NTM: variants seen among roughly 807,000 people sequenced by gnomAD.
NTM encodes neurotrimin.
In NTM, 13 loss-of-function variants were observed where a neutral mutation model predicts 42.1. The observed-to-expected ratio is 0.31, with a 90% CI of 0.20 to 0.49. NTM has a LOEUF of 0.49. Among genes scored for constraint, NTM ranks in the 20% least tolerant of loss-of-function variants. NTM has a pLI of 0.99. For missense variants in NTM, 373 were observed against 452.8 expected, an observed-to-expected ratio of 0.82 and a Z score of 1.60; for synonymous variants, 187 against 179.2, an observed-to-expected ratio of 1.04 and a Z score of -0.35.
intron 1 of NTM, among the ~76,000 whole-genome samples, chr11:131,502,007 G>C (rs538093525): frequency 6.6e-6 from 1 of 152,254 alleles, no homozygotes; most frequent in Non-Finnish European, 1.5e-5. Context: ...CTGGGTCTAT[G>C]AGTTTGGAGT....
chr11:131,636,072 G>A (rs555035897), intron 1 of NTM, among the ~76,000 whole-genome samples: 2 of 152,288 alleles, frequency 1.3e-5, no homozygotes, highest in South Asian at 4.1e-4. Flanking sequence ...GCATTTGTTA[G>A]AATGTATTCT....
At chr11:132,069,487 G>A (rs867005832) in intron 2 of NTM, among the ~76,000 whole-genome samples, 14 of 117,304 alleles carry the variant, frequency 1.2e-4, no homozygotes, top group South Asian at 1.1e-3. Context: ...TAGTTAACAT[G>A]TCACACAGCC....
chr11:131,564,794 G>T (rs977128558), intron 1 of NTM, among the ~76,000 whole-genome samples: 1 of 152,042 alleles, frequency 6.6e-6, no homozygotes, highest in South Asian at 2.1e-4. Flanking sequence ...TTCTTCAGAC[G>T]TTGCTCCCTG....
chr11:132,232,120 T>A (rs1207453748), intron 4 of NTM, among the ~76,000 whole-genome samples: 1 of 152,240 alleles, frequency 6.6e-6, no homozygotes, highest in African/African-American at 2.4e-5. Context: ...GCGTCTCGCC[T>A]GGGAGAGCTC....
chr11:131,960,203 CA>C (rs2062002534), intron 2 of NTM, among the ~76,000 whole-genome samples: 1 of 152,186 alleles, frequency 6.6e-6, no homozygotes, highest in Admixed American at 6.5e-5. Context: ...CGAGGGTGTT[CA>C]TGGTGCCCCT....
chr11:131,552,527 C>T (rs1022285214), intron 1 of NTM, among the ~76,000 whole-genome samples: 54 of 150,350 alleles, frequency 3.6e-4, no homozygotes, highest in Non-Finnish European at 6.6e-4. Flanking sequence ...AAAAAATACC[C>T]TCAAGAGGCC....
chr11:131,512,965 A>G (rs2048446072), intron 1 of NTM, among the ~76,000 whole-genome samples: 1 of 151,374 alleles, frequency 6.6e-6, no homozygotes, highest in African/African-American at 2.4e-5. Flanking sequence ...GCTTGGCACC[A>G]CTGAGATCTC....
intron 1 of NTM, among the ~76,000 whole-genome samples, chr11:131,508,385 A>G (rs1277027564): frequency 2.7e-5 from 4 of 150,714 alleles, no homozygotes; most frequent in Non-Finnish European, 5.9e-5. Flanking sequence ...TCAGGAAACA[A>G]CAGGTGCTAA....
At chr11:132,073,342 G>A (rs1351553141) in intron 2 of NTM, among the ~76,000 whole-genome samples, 1 of 152,166 alleles carries the variant, frequency 6.6e-6, no homozygotes, top group East Asian at 1.9e-4. Flanking sequence ...TTATCTTTAG[G>A]AATGTTCTGT....
rs560752822 is a variant in NTM at position 131,794,743 on chromosome 11, C to T, written c.83-116821C>T. The T allele has an allele frequency of 9.1e-6, 9 of 985,320 alleles. No homozygotes were observed. In the African/African-American group the frequency reaches 1.6e-4, roughly 17 times the overall value. The allele number at this position is 985,320 out of a possible 1,614,324, so 61.0% of individuals were successfully genotyped here. A position where few individuals can be genotyped will look rare whatever the true frequency, so the allele number is the denominator to read the frequency against. ...AAAAGCAGAGATAGCTTGTGTAGGACTTAGAACAATGGTGAGCTCCACACA... is the reference window on the plus strand; with the variant it reads ...AAAAGCAGAGATAGCTTGTGTAGGATTTAGAACAATGGTGAGCTCCACACA... On this transcript the variant is annotated intron_variant, in intron 1 of 8. Coordinates refer to ENST00000683400, the MANE Select transcript of NTM (RefSeq NM_001352005.2).
intron 1 of NTM, among the ~76,000 whole-genome samples, chr11:131,483,722 C>T (rs2136248699): frequency 6.6e-6 from 1 of 152,318 alleles, no homozygotes; most frequent in African/African-American, 2.4e-5. Flanking sequence ...TGCGTTTCAC[C>T]CTGCGTGAAA....
At chr11:132,124,632 C>A (rs117373711) in intron 2 of NTM, among the ~76,000 whole-genome samples, 1 of 152,040 alleles carries the variant, frequency 6.6e-6, no homozygotes, top group Non-Finnish European at 1.5e-5. Flanking sequence ...TGCGCGCGCA[C>A]GCGCAGGGCG....
At chr11:131,548,029 C>T (rs2054172767) in intron 1 of NTM, among the ~76,000 whole-genome samples, 1 of 152,158 alleles carries the variant, frequency 6.6e-6, no homozygotes, top group African/African-American at 2.4e-5. Context: ...CATCATCTAC[C>T]ACATACTAAT....
At chr11:131,839,595 A>C (rs904098547) in intron 1 of NTM, among the ~76,000 whole-genome samples, 2 of 152,180 alleles carry the variant, frequency 1.3e-5, no homozygotes, top group Non-Finnish European at 2.9e-5. Flanking sequence ...AGGACACCAG[A>C]AAAGGAGACT....
intron 2 of NTM, among the ~76,000 whole-genome samples, chr11:132,062,390 A>G (rs1017974233): frequency 6.6e-6 from 1 of 152,220 alleles, no homozygotes; most frequent in Non-Finnish European, 1.5e-5. Flanking sequence ...CTCATTCTAC[A>G]GCACTTCTTT....
At chr11:131,637,315 C>T (rs1361781833) in intron 1 of NTM, among the ~76,000 whole-genome samples, 2 of 152,042 alleles carry the variant, frequency 1.3e-5, no homozygotes, top group East Asian at 3.9e-4. Context: ...AGAAAAGAGA[C>T]ACTCCAGGTG....
chr11:132,044,080 T>A (rs367585014), intron 2 of NTM, among the ~76,000 whole-genome samples: 2 of 42,380 alleles, frequency 4.7e-5, no homozygotes, highest in African/African-American at 1.5e-4. Context: ...GTGTATGTGT[T>A]TGTGTGTATG....
chr11:131,391,204 G>C (rs1358094419), intron 1 of NTM, among the ~76,000 whole-genome samples: 1 of 152,148 alleles, frequency 6.6e-6, no homozygotes, highest in Non-Finnish European at 1.5e-5. Flanking sequence ...AGTTCAGAAA[G>C]GCCAACTTGC....
chr11:131,381,202 G>T (rs1179668981), intron 1 of NTM, among the ~76,000 whole-genome samples: 1 of 152,198 alleles, frequency 6.6e-6, no homozygotes, highest in Non-Finnish European at 1.5e-5. Flanking sequence ...TTGAACCTAA[G>T]AAAAGAGGAA....
Sources: allele counts gnomAD v4.1 joint callset (sites outside exome capture counted in the v4.1 genomes callset), GRCh38; gene constraint gnomAD v4.1.1; transcripts MANE v1.5; gene names NCBI Gene and HGNC (gene_info 2026-07-23, HGNC 2026-07-21).